The following LCMT1 variants were observed in gnomAD, a reference collection of about 807,000 sequenced individuals.
LCMT1 encodes the protein [Phosphatase 2A protein]-leucine-carboxy methyltransferase 1.
Under a neutral mutation model 47.7 loss-of-function variants are expected in LCMT1, and 32 were observed. That is an observed-to-expected ratio of 0.67 (90% CI 0.51 to 0.90). The LOEUF (loss-of-function observed/expected upper bound fraction) is 0.90, where lower values mean the gene tolerates loss of function less well. LCMT1 is among the 40% of genes least tolerant of loss of function. LCMT1 has a pLI of 0.00. For missense variants in LCMT1, 375 were observed against 415.2 expected (o/e 0.90, Z 0.84); for synonymous variants, 152 against 149.7 (o/e 1.02, Z -0.11).
Position 25,151,544 on chromosome 16 carries a change from C to A in LCMT1, c.405-10C>A. ...GACTCATTTTTCTCCTCTTTCCCATCTTCCCATAGATGCAAGCCTCCCCTA... is the reference window on the plus strand; with the variant it reads ...GACTCATTTTTCTCCTCTTTCCCATATTCCCATAGATGCAAGCCTCCCCTA... On this transcript the variant is annotated splice_polypyrimidine_tract_variant and intron_variant, in intron 4 of 10. Transcript: ENST00000399069. The A allele has an allele frequency of 1.2e-6, 2 of 1,610,236 alleles. No individual in the cohort carries two copies. Among genetic ancestry groups the A allele is most frequent in the East Asian group, 2.2e-5 (1 of 44,846 alleles).
intron 5 of LCMT1, among the ~76,000 whole-genome samples, chr16:25,157,473 C>G (rs937201517): frequency 2.0e-5 from 3 of 151,526 alleles, no homozygotes; most frequent in Admixed American, 6.6e-5. Flanking sequence ...CCTGGGGGGT[C>G]GAGGCTGTAA....
At chr16:25,176,087 T>G (rs1961923704) in intron 10 of LCMT1, among the ~76,000 whole-genome samples, 1 of 152,174 alleles carries the variant, frequency 6.6e-6, no homozygotes, top group Non-Finnish European at 1.5e-5. Flanking sequence ...GGGCTGAATT[T>G]TCCCTCTTCT....
At chr16:25,120,749 T>TG in intron 1 of LCMT1, among the ~76,000 whole-genome samples, 1 of 144,248 alleles carries the variant, frequency 6.9e-6, no homozygotes, top group Admixed American at 6.9e-5. Context: ...GTTTTTTTTT[T>TG]TTGTTTTTTT....
At position 25,162,087 on chromosome 16, in the gene LCMT1, G is replaced by A. The variant is rs539170345; in HGVS notation, c.569+883G>A. ...CTGAAAGTATCTAGTAACATTGTAA[G>A]TATGTGTACCATACATAGCAGTTCC... is the stretch of plus-strand genomic sequence containing the variant. On this transcript the variant is annotated intron_variant, in intron 6 of 10. Coordinates refer to ENST00000399069, the MANE Select transcript of LCMT1 (RefSeq NM_016309.3). 3.3e-5 allele frequency among the ~76,000 whole-genome samples: 5 copies of A among 152,296 alleles called. No homozygotes were observed. The East Asian group carries it at 7.7e-4, about 24-fold the overall frequency.
chr16:25,149,290 G>T (rs145862014), intron 4 of LCMT1, among the ~76,000 whole-genome samples: 9 of 152,236 alleles, frequency 5.9e-5, no homozygotes, highest in Non-Finnish European at 8.8e-5. Flanking sequence ...ATTTTGTGTG[G>T]CCCAAGACAG....
At chr16:25,164,573 G>A in intron 6 of LCMT1, 25 bp from the exon 7 acceptor site, 2 of 1,613,752 alleles carry the variant, frequency 1.2e-6, no homozygotes, top group Non-Finnish European at 1.7e-6. Context: ...ACAAATTTAT[G>A]TGCCTTTTTT....
intron 5 of LCMT1, among the ~76,000 whole-genome samples, chr16:25,155,295 G>T (rs1961220791): frequency 6.6e-6 from 1 of 152,106 alleles, no homozygotes; most frequent in African/African-American, 2.4e-5. Flanking sequence ...GGAAGGCCGG[G>T]TGTGGTGTCT....
chr16:25,171,511 G>A (rs1012631153), intron 9 of LCMT1, among the ~76,000 whole-genome samples: 1 of 152,158 alleles, frequency 6.6e-6, no homozygotes, highest in African/African-American at 2.4e-5. Flanking sequence ...CAGCTTGAAA[G>A]TAACTCATTA....
At chr16:25,147,043 T>C (rs920972732) in intron 4 of LCMT1, 1 of 152,190 alleles carries the variant, frequency 6.6e-6, no homozygotes, top group Admixed American at 6.5e-5. Flanking sequence ...TATTGGCATA[T>C]TCCTTAGCCT....
At chr16:25,169,360 T>C (rs531213475) in intron 8 of LCMT1, 147 bp downstream of exon 8, 3 of 597,504 alleles carry the variant, frequency 5.0e-6, no homozygotes, top group Admixed American at 5.7e-5. Flanking sequence ...GGGCCGCTAG[T>C]TCATGATGCT....
intron 6 of LCMT1, 119 bp from the exon 7 acceptor site, chr16:25,164,479 C>T (rs994514006): frequency 2.5e-6 from 3 of 1,184,976 alleles, no homozygotes; most frequent in Non-Finnish European, 3.6e-6. Flanking sequence ...TGTGCTTGCT[C>T]AGGCCTTCTG....
chr16:25,161,739 G>A (rs1426639631), intron 6 of LCMT1, among the ~76,000 whole-genome samples: 1 of 151,624 alleles, frequency 6.6e-6, no homozygotes, highest in Non-Finnish European at 1.5e-5. Flanking sequence ...TTTGAGAGAA[G>A]ATAATTTATG....
chr16:25,132,850 A>C (rs374975893), intron 3 of LCMT1, among the ~76,000 whole-genome samples: 1 of 146,050 alleles, frequency 6.8e-6, no homozygotes, highest in Admixed American at 7.0e-5. Flanking sequence ...TCATGCATGC[A>C]TTTGTAACTT....
At chr16:25,171,929 C>G (rs1961787411) in intron 9 of LCMT1, among the ~76,000 whole-genome samples, 1 of 152,162 alleles carries the variant, frequency 6.6e-6, no homozygotes, top group Non-Finnish European at 1.5e-5. Context: ...ACATACTGGT[C>G]TGTAAACCAC....
chr16:25,125,616 C>T (rs898576031), intron 1 of LCMT1, among the ~76,000 whole-genome samples: 11 of 151,946 alleles, frequency 7.2e-5, no homozygotes, highest in African/African-American at 1.9e-4. Context: ...GGGCGGATCA[C>T]GACATCAGGA....
chr16:25,170,682 A>G (rs1231190026), intron 8 of LCMT1, 32 bp from the exon 9 acceptor site: 1 of 1,534,202 alleles, frequency 6.5e-7, no homozygotes, highest in Non-Finnish European at 9.0e-7. Flanking sequence ...GTAGTTCTCT[A>G]GTTCTCCATT....
intron 5 of LCMT1, among the ~76,000 whole-genome samples, chr16:25,160,574 A>G (rs1961396511): frequency 6.6e-6 from 1 of 152,212 alleles, no homozygotes; most frequent in Admixed American, 6.5e-5. Flanking sequence ...CATACTATCT[A>G]CTTTAAAGAA....
Position 25,111,854 on chromosome 16 carries a change from C to G in LCMT1, c.-30C>G, listed in dbSNP as rs765249291. On this transcript the variant is annotated 5_prime_UTR_variant, in exon 1 of 11. Transcript: ENST00000399069. The stretch of plus-strand genomic sequence containing the variant: ...GTCGACCCCGCTTCCATGTCCCTGG[C>G]GGACACAGCTCCCAGGAACCTCCAC... The G allele has an allele frequency of 2.0e-6, 3 of 1,486,714 alleles. No individual in the cohort carries two copies. The Admixed American group carries it at 5.2e-5, about 26-fold the overall frequency. The allele number at this position is 1,486,714 out of a possible 1,614,324, so 92.1% of individuals were successfully genotyped here.
chr16:25,139,857 G>A (rs1960627165), intron 3 of LCMT1, among the ~76,000 whole-genome samples: 1 of 152,080 alleles, frequency 6.6e-6, no homozygotes, highest in African/African-American at 2.4e-5. Context: ...AAAATACGGA[G>A]TATATTCTAC....
Sources: allele counts gnomAD v4.1 joint callset (sites outside exome capture counted in the v4.1 genomes callset), GRCh38; gene constraint gnomAD v4.1.1; transcripts MANE v1.5; gene names NCBI Gene and HGNC (gene_info 2026-07-23, HGNC 2026-07-21).